The following LRP8 variants were observed in gnomAD, a reference collection of about 807,000 sequenced individuals.
LRP8 encodes LDL receptor related protein 8.
In LRP8, 46 loss-of-function variants were observed where a neutral mutation model predicts 111.6. The ratio of observed to expected loss-of-function variants is 0.41; its 90% confidence interval spans 0.33 to 0.53. LRP8 has a LOEUF of 0.53. Ranked by LOEUF, LRP8 falls within the 20% of genes least tolerant of loss-of-function variation. The pLI is 0.20. For synonymous variants in LRP8, 464 were observed against 511.2 expected, an observed-to-expected ratio of 0.91 and a Z score of 1.24; for missense variants, 959 against 1,297.4, an observed-to-expected ratio of 0.74 and a Z score of 4.01.
At chr1:53,298,328 T>C (rs573247734) in intron 2 of LRP8, among the ~76,000 whole-genome samples, 1 of 152,282 alleles carries the variant, frequency 6.6e-6, no homozygotes, top group East Asian at 1.9e-4. Context: ...CAGGAGGTAT[T>C]GAACGAGTGA....
rs1195290928 is a variant in LRP8, at chr1:53,266,597, T to A, written c.1303A>T (p.Ile435Phe). 4.3e-6 allele frequency: 7 copies of A among 1,614,152 alleles called. No homozygotes were observed. The highest frequency in any genetic ancestry group is 1.7e-5 in the Admixed American group (1 of 60,016). The change falls in exon 9 of 19, where the codon ATC (isoleucine) becomes TTC (phenylalanine). Residue 435 changes from isoleucine to phenylalanine, a missense_variant. Coordinates refer to ENST00000306052, the MANE Select transcript of LRP8 (RefSeq NM_004631.5). This position sits in a 1 kb window ranked among gnomAD's most constrained non-coding sequence, Gnocchi z 5.0. ...GAATAGTTCCGCTTCACCAGGTCGA[T>A]CCTCCGCACCTCGTGCCGGTTGGTG... Reference protein sequence around the residue: ...IFTNRHEVRRIDLVKRNYSRL... With the variant: ...IFTNRHEVRRFDLVKRNYSRL...
At chr1:53,255,065 A>G in intron 16 of LRP8, 52 bp downstream of exon 16, 1 of 1,580,510 alleles carries the variant, frequency 6.3e-7, no homozygotes. Flanking sequence ...GCTCTTCCCT[A>G]GGCCTAAGCA....
At chr1:53,257,092 T>C (rs1166540789) in intron 15 of LRP8, 148 bp downstream of exon 15, 1 of 741,882 alleles carries the variant, frequency 1.3e-6, no homozygotes, top group Admixed American at 2.5e-5. Flanking sequence ...CGCAGGCTGG[T>C]ACTCTACCTC....
At chr1:53,284,227 C>CTACATACCCGGGCCACTTACT (rs1647235121) in intron 3 of LRP8, among the ~76,000 whole-genome samples, 2 of 67,110 alleles carry the variant, frequency 3.0e-5, no homozygotes, top group East Asian at 1.5e-3. Context: ...GGCCACTTAC[C>CTACATACCCGGGCCACTTACT]TACTACATAC....
At chr1:53,300,459 T>C (rs1247806451) in intron 2 of LRP8, among the ~76,000 whole-genome samples, 1 of 152,172 alleles carries the variant, frequency 6.6e-6, no homozygotes, top group African/African-American at 2.4e-5. Context: ...AGCTCGAGTC[T>C]CCATGGGGTG....
At chr1:53,282,846 C>T (rs574262870) in intron 3 of LRP8, among the ~76,000 whole-genome samples, 3 of 152,198 alleles carry the variant, frequency 2.0e-5, no homozygotes, top group African/African-American at 7.2e-5. Flanking sequence ...AAAAGTGATA[C>T]AGATGTTCCA....
chr1:53,272,847 C>T (rs918060610), intron 6 of LRP8, among the ~76,000 whole-genome samples: 3 of 152,220 alleles, frequency 2.0e-5, no homozygotes, highest in African/African-American at 7.2e-5. Flanking sequence ...ATCTGTCCTC[C>T]CACTCACCCA....
In LRP8 at chr1:53,328,051, C is replaced by A; in HGVS notation, c.-139G>T. On this transcript the variant is annotated 5_prime_UTR_variant, in exon 1 of 19. Transcript: ENST00000306052. ...CCGCCGCCGCCGCTGCCGCCCGCCC[C>A]GGCTCCTCGGCTGCATTTCAAGCAG... 1 of 343,446 alleles carries A rather than the reference C, an allele frequency of 2.9e-6. No individual in the cohort carries two copies. Among genetic ancestry groups the A allele is most frequent in the Non-Finnish European group, 4.1e-6 (1 of 244,738 alleles). The allele number at this position is 343,446 out of a possible 1,614,324, so 21.3% of individuals were successfully genotyped here. A position where few individuals can be genotyped will look rare whatever the true frequency, so the allele number is the denominator to read the frequency against.
chr1:53,243,213 TC>T lies in LRP8; in HGVS notation c.*3804del, dbSNP rs969108053. ...GAGAGGCTTGCATTCCTGTGCCATTTCCCCATTCCCACCAGTGCCCAACTGG... is the reference window on the plus strand; with the variant it reads ...GAGAGGCTTGCATTCCTGTGCCATTTCCCATTCCCACCAGTGCCCAACTGG... On this transcript the variant is annotated 3_prime_UTR_variant, in exon 19 of 19. Coordinates refer to ENST00000306052, the MANE Select transcript of LRP8 (RefSeq NM_004631.5). The T allele has an allele frequency of 6.6e-6, 1 of 152,086 alleles. No individual in the cohort carries two copies. The highest frequency in any genetic ancestry group is 1.5e-5 in the Non-Finnish European group (1 of 68,008). 9.4% of individuals were successfully genotyped at this position (152,086 alleles called of 1,614,324 possible). A position where few individuals can be genotyped will look rare whatever the true frequency, so the allele number is the denominator to read the frequency against.
At chr1:53,272,662 G>A in intron 6 of LRP8, 2 of 1,289,522 alleles carry the variant, frequency 1.6e-6, no homozygotes, top group Admixed American at 4.6e-5. Flanking sequence ...CAAGACCACA[G>A]CAACTCCATG....
In LRP8 at chr1:53,271,288, C is replaced by A; in HGVS notation, c.1065G>T (p.Lys355Asn). The A allele has an allele frequency of 6.2e-7, 1 of 1,613,986 alleles. No individual in the cohort carries two copies. Among genetic ancestry groups the A allele is most frequent in the Non-Finnish European group, 8.5e-7 (1 of 1,180,024 alleles). ...CTGGGCACGTGCATTCAAAGCCAATCTTGAGGTCAGTGCAGATGTGTGAGC... is the reference window on the plus strand; with the variant it reads ...CTGGGCACGTGCATTCAAAGCCAATATTGAGGTCAGTGCAGATGTGTGAGC... ...GGCSHICTDL[K>N]IGFECTCPAG... The change falls in exon 7 of 19, where the codon AAG becomes AAT. Residue 355 changes from lysine (K) to asparagine (N), a missense_variant. By Grantham distance (94) the Lys-to-Asn change is moderately conservative. This residue lies in a region of LRP8 where 819 missense variants were observed against 1,097.6 expected (regional missense o/e 0.75). Transcript: ENST00000306052.
intron 14 of LRP8, 123 bp downstream of exon 14, chr1:53,258,196 A>G (rs962249098): frequency 6.0e-6 from 6 of 996,274 alleles, no homozygotes; most frequent in Non-Finnish European, 8.7e-6. Context: ...CCAAAAGGCA[A>G]CAAGTAACCA....
rs1236276867 is a variant in LRP8 at position 53,276,789 on chromosome 1, G to A, written c.786C>T (p.Ala262=). Residue 262 remains alanine, a synonymous_variant, in exon 5 of 19, where the codon GCC becomes GCT. Coordinates refer to ENST00000306052, the MANE Select transcript of LRP8 (RefSeq NM_004631.5). ...CGCCGCTGCGGCAGGCGAACTGGGA[G>A]GCGGTGGCGCAGGCGGCGGGCGCGG... is the stretch of plus-strand genomic sequence containing the variant. ...ATSAPAACAT[A]SQFACRSGEC... is the part of the protein sequence containing the mutation. 8 of 1,380,912 alleles carry A rather than the reference G, an allele frequency of 5.8e-6. No individual in the cohort carries two copies. In the East Asian group the frequency reaches 2.8e-4, roughly 48 times the overall value. 85.5% of individuals were successfully genotyped at this position (1,380,912 alleles called of 1,614,324 possible).
chr1:53,298,333 G>A lies in LRP8; in HGVS notation c.245-8644C>T, dbSNP rs1650145287. Among the ~76,000 whole-genome samples the A allele has an allele frequency of 3.9e-5, 6 of 152,330 alleles. No homozygotes were observed. In the South Asian group the frequency reaches 1.2e-3, roughly 32 times the overall value. ...TTTGTGGTTGCAGGAGGTATTGAAC[G>A]AGTGACAGCTGAGGGGCTGGGAGGA... is the stretch of plus-strand genomic sequence containing the variant. On this transcript the variant is annotated intron_variant, in intron 2 of 18. Coordinates refer to ENST00000306052, the MANE Select transcript of LRP8 (RefSeq NM_004631.5).
chr1:53,257,376 G>A lies in LRP8; in HGVS notation c.2298C>T (p.His766=). 1 of 1,614,192 alleles carries A rather than the reference G, an allele frequency of 6.2e-7. No homozygotes were observed. Among genetic ancestry groups the A allele is most frequent in the Non-Finnish European group, 8.5e-7 (1 of 1,180,024 alleles). The part of the protein sequence containing the change: ...ATTRAPGTTV[H]RSTYQNHSTE... ...TGCTGTGGTTCTGGTAGGTGGATCT[G>A]TGGACGGTGGTCCCGGGGGCTCTTG... The change falls in exon 15 of 19, where the codon CAC becomes CAT. Residue 766 remains histidine, a synonymous_variant. Coordinates refer to ENST00000306052, the MANE Select transcript of LRP8 (RefSeq NM_004631.5).
Position 53,272,782 on chromosome 1 carries a change from C to T in LRP8, c.1007-1436G>A, listed in dbSNP as rs372846986. 103 of 614,982 alleles carry T rather than the reference C, an allele frequency of 1.7e-4. No homozygotes were observed. The East Asian group carries it at 1.9e-3, about 12-fold the overall frequency. The allele number at this position is 614,982 out of a possible 1,614,324, so 38.1% of individuals were successfully genotyped here. ...CACCTCTAGGAATCTTTCAGTCGCTCGGAGCCCTCCCTGACCTCTCCTTTC... is the reference window on the plus strand; with the variant it reads ...CACCTCTAGGAATCTTTCAGTCGCTTGGAGCCCTCCCTGACCTCTCCTTTC... On this transcript the variant is annotated intron_variant, in intron 6 of 18. Coordinates refer to ENST00000306052, the MANE Select transcript of LRP8 (RefSeq NM_004631.5).
chr1:53,277,457 TCATAGCATAGCGATG>T (rs1646963576), intron 4 of LRP8, among the ~76,000 whole-genome samples: 1 of 151,954 alleles, frequency 6.6e-6, no homozygotes, highest in Non-Finnish European at 1.5e-5. Context: ...GGTTGGCTCC[TCATAGCATAGCGATG>T]CATAGCATAA....
At chr1:53,257,938 A>G (rs1241594086) in intron 14 of LRP8, 2 of 210,088 alleles carry the variant, frequency 9.5e-6, no homozygotes, top group Admixed American at 1.0e-4. Flanking sequence ...TTATATTGCA[A>G]AAGGGCTGCT....
intron 7 of LRP8, 31 bp downstream of exon 7, chr1:53,271,196 T>A (rs982675841): frequency 2.5e-6 from 4 of 1,613,782 alleles, no homozygotes; most frequent in Non-Finnish European, 3.4e-6. Context: ...GAGGATCTGC[T>A]TCTGCTTGGG....
Sources: allele counts gnomAD v4.1 joint callset (sites outside exome capture counted in the v4.1 genomes callset), GRCh38; gene constraint gnomAD v4.1.1; regional missense constraint gnomAD v4.1.1; non-coding constraint Gnocchi (gnomAD v3.1); transcripts MANE v1.5; gene names NCBI Gene and HGNC (gene_info 2026-07-23, HGNC 2026-07-21).